RAB37: variants seen among roughly 807,000 people sequenced by gnomAD.
RAB37 encodes ras-related protein Rab-37.
Under a neutral mutation model 33.1 loss-of-function variants are expected in RAB37, and 29 were observed. That is an observed-to-expected ratio of 0.88 (90% CI 0.65 to 1.20). The LOEUF (loss-of-function observed/expected upper bound fraction) is 1.20. RAB37 is among the 50% of genes most tolerant of loss of function. The probability of loss-of-function intolerance (pLI) is 0.00; values close to 1 mark genes in which losing one functional copy is unlikely to be tolerated. For missense variants in RAB37, 299 were observed against 301.1 expected (o/e 0.99, Z 0.05); for synonymous variants, 128 against 119.5 (o/e 1.07, Z -0.47).
In RAB37 at chr17:74,726,152, T is replaced by C. The variant is rs548146543; in HGVS notation, c.73-3104T>C. 2.6e-5 allele frequency among the ~76,000 whole-genome samples: 4 copies of C among 151,452 alleles called. No homozygotes were observed. The South Asian group carries it at 8.4e-4, about 32-fold the overall frequency. ...TGGGAGGCTGAGGCAGAAGAATAGC[T>C]TGAACTCGGGAGGCAAAGGTTATTG... On this transcript the variant is annotated intron_variant, in intron 1 of 7. Coordinates refer to the RAB37 transcript ENST00000340415.
intron 1 of RAB37, chr17:74,695,102 C>T (rs760066315): frequency 1.9e-6 from 3 of 1,613,394 alleles, no homozygotes; most frequent in East Asian, 2.2e-5. Flanking sequence ...CAGGCTAAGG[C>T]CTGCTGATGG....
chr17:74,693,998 TAC>T (rs576267729), intron 1 of RAB37, among the ~76,000 whole-genome samples: 3 of 151,310 alleles, frequency 2.0e-5, no homozygotes, highest in South Asian at 2.1e-4. Flanking sequence ...TGTATGTGTA[TAC>T]ACACACACAC....
At chr17:74,694,928 C>A in intron 1 of RAB37, 1 of 627,816 alleles carries the variant, frequency 1.6e-6, no homozygotes, top group East Asian at 2.9e-5. Flanking sequence ...CCTAGAAGCC[C>A]CCTGAGACTT....
intron 1 of RAB37, among the ~76,000 whole-genome samples, chr17:74,728,831 G>C (rs964852997): frequency 2.6e-5 from 4 of 151,460 alleles, no homozygotes; most frequent in South Asian, 2.1e-4. Context: ...TTCTGTGTCT[G>C]TATGTGTCTT....
intron 1 of RAB37, among the ~76,000 whole-genome samples, chr17:74,720,501 G>A (rs952931294): frequency 6.6e-6 from 1 of 152,212 alleles, no homozygotes; most frequent in Non-Finnish European, 1.5e-5. Flanking sequence ...TGAGGCAGGA[G>A]AATTGCTTGA....
intron 1 of RAB37, among the ~76,000 whole-genome samples, chr17:74,708,203 TAA>T (rs1252478303): frequency 4.6e-5 from 7 of 150,738 alleles, no homozygotes; most frequent in African/African-American, 1.7e-4. Flanking sequence ...TACAATATGC[TAA>T]AATCAGCACA....
At chr17:74,694,620 C>G (rs2032258203) in intron 1 of RAB37, 1 of 152,570 alleles carries the variant, frequency 6.6e-6, no homozygotes, top group African/African-American at 2.4e-5. Context: ...AGAATAACCT[C>G]TCTATCTCAA....
At chr17:74,737,451 C>G (rs1007110986) in intron 1 of RAB37, 86 bp downstream of exon 1, 2 of 1,384,128 alleles carry the variant, frequency 1.4e-6, no homozygotes, top group Non-Finnish European at 1.9e-6. Flanking sequence ...AGCCCTTCCC[C>G]CAGGCAGCTG....
At chr17:74,710,142 C>A (rs970922437) in intron 1 of RAB37, among the ~76,000 whole-genome samples, 12 of 151,974 alleles carry the variant, frequency 7.9e-5, no homozygotes, top group Non-Finnish European at 1.5e-4. Flanking sequence ...CCACGCCCAG[C>A]TAATTTTTTG....
chr17:74,737,523 C>T (rs1381076790), intron 1 of RAB37, among the ~76,000 whole-genome samples, 158 bp downstream of exon 1: 1 of 152,164 alleles, frequency 6.6e-6, no homozygotes, highest in Non-Finnish European at 1.5e-5. Context: ...GTCCCAAGCT[C>T]TAGGTGTCTC....
intron 1 of RAB37, among the ~76,000 whole-genome samples, chr17:74,680,784 A>G (rs1057344331): frequency 2.0e-5 from 3 of 152,162 alleles, no homozygotes; most frequent in Admixed American, 2.0e-4. Context: ...TGGGGAGGGA[A>G]AGGGAAGGGA....
chr17:74,728,027 T>C (rs1483571784), intron 1 of RAB37, among the ~76,000 whole-genome samples: 2 of 152,096 alleles, frequency 1.3e-5, no homozygotes, highest in African/African-American at 4.8e-5. Flanking sequence ...ATATATGTGT[T>C]TGTGTTATAC....
intron 1 of RAB37, among the ~76,000 whole-genome samples, chr17:74,697,815 G>T (rs1009165784): frequency 2.6e-5 from 4 of 152,190 alleles, no homozygotes; most frequent in Admixed American, 2.6e-4. Context: ...AGAAGGAAAG[G>T]CCATTCCAAT....
chr17:74,689,006 G>A (rs1016990895), intron 1 of RAB37, among the ~76,000 whole-genome samples: 2 of 152,174 alleles, frequency 1.3e-5, no homozygotes, highest in Non-Finnish European at 2.9e-5. Flanking sequence ...AATAAAACAT[G>A]TAGAGGAAAA....
intron 1 of RAB37, among the ~76,000 whole-genome samples, chr17:74,720,523 G>A (rs958329123): frequency 1.3e-5 from 2 of 152,214 alleles, no homozygotes; most frequent in South Asian, 4.1e-4. Flanking sequence ...CCCAGGAGGT[G>A]GAGGTTGCAG....
At position 74,742,185 on chromosome 17, in the gene RAB37, C is replaced by G. The variant is rs3803786; in HGVS notation, c.205-69C>G. The G allele has an allele frequency of 0.098, 154,530 of 1,581,172 alleles. 8,105 individuals are homozygous for G. Among genetic ancestry groups the G allele is most frequent in the East Asian group, 0.15 (6,644 of 43,222 alleles). On this transcript the variant is annotated intron_variant, in intron 2 of 8. Transcript: ENST00000392613. This position sits in a 1 kb window ranked among gnomAD's most constrained non-coding sequence, Gnocchi z 4.0. ...CTCTAGGCCTGGAGAGGGAACAAGA[C>G]AGGACGTCTGCAGAGCTGAGGAGCC... is the stretch of plus-strand genomic sequence containing the variant.
chr17:74,694,993 C>G lies in RAB37; in HGVS notation c.72+23335C>G, dbSNP rs963695048. 8 of 1,290,536 alleles carry G rather than the reference C, an allele frequency of 6.2e-6. No individual in the cohort carries two copies. In the African/African-American group the frequency reaches 1.0e-4, roughly 17 times the overall value. The allele number at this position is 1,290,536 out of a possible 1,614,324, so 79.9% of individuals were successfully genotyped here. Reference sequence around the variant, plus strand: ...AATGCTGGCTGATCAGGCAGAGGCACCAGTCCCCGGGTTGGTCCTGATGAG... The same window carrying G: ...AATGCTGGCTGATCAGGCAGAGGCAGCAGTCCCCGGGTTGGTCCTGATGAG... On this transcript the variant is annotated intron_variant, in intron 1 of 7. Transcript: ENST00000340415.
intron 1 of RAB37, among the ~76,000 whole-genome samples, chr17:74,708,638 T>C (rs888945944): frequency 3.3e-5 from 5 of 152,184 alleles, no homozygotes; most frequent in Admixed American, 6.5e-5. Flanking sequence ...ATAAGGAGGC[T>C]GGACGCGGTG....
chr17:74,725,762 T>C (rs2034298886), intron 1 of RAB37, among the ~76,000 whole-genome samples: 1 of 151,988 alleles, frequency 6.6e-6, no homozygotes, highest in South Asian at 2.1e-4. Context: ...TAGCTGGGAT[T>C]ACAGGTGCCT....
Sources: gnomAD v4.1 joint callset for allele counts (sites outside exome capture counted in the v4.1 genomes callset) on GRCh38, gnomAD v4.1.1 for gene constraint, Gnocchi (gnomAD v3.1) non-coding constraint, MANE v1.5 for transcripts, NCBI Gene and HGNC (gene_info 2026-07-23, HGNC 2026-07-21) for gene names.